SLC44A5: variants seen among roughly 807,000 people sequenced by gnomAD.
SLC44A5 encodes the protein solute carrier family 44 member 5.
SLC44A5 carries 57 observed loss-of-function variants against 101.8 expected under a neutral mutation model. The ratio of observed to expected loss-of-function variants is 0.56; its 90% CI spans 0.45 to 0.70. The LOEUF (loss-of-function observed/expected upper bound fraction) is 0.70, where lower values mean the gene tolerates loss of function less well. SLC44A5 is among the 30% of genes least tolerant of loss of function. The pLI, the probability that SLC44A5 is intolerant of heterozygous loss-of-function variation, is 0.00. For missense variants in SLC44A5, 737 were observed against 853.1 expected (o/e 0.86, Z 1.70); for synonymous variants, 281 against 290.9 (o/e 0.97, Z 0.35).
chr1:75,500,017 G>A (rs1179190459), intron 2 of SLC44A5, among the ~76,000 whole-genome samples: 1 of 152,146 alleles, frequency 6.6e-6, no homozygotes, highest in Non-Finnish European at 1.5e-5. Flanking sequence ...ACGTGATGTT[G>A]AAAGCCACCT....
intron 2 of SLC44A5, among the ~76,000 whole-genome samples, chr1:75,416,003 A>C (rs541624083): frequency 6.6e-6 from 1 of 152,322 alleles, no homozygotes; most frequent in Admixed American, 6.5e-5. Flanking sequence ...ATGCAATAGA[A>C]AAGAACATTC....
At chr1:75,251,345 A>G in intron 6 of SLC44A5, 51 bp from the exon 7 acceptor site, 1 of 1,443,864 alleles carries the variant, frequency 6.9e-7, no homozygotes, top group Non-Finnish European at 9.7e-7. Context: ...AATGTTCCAT[A>G]TCATTTCAGA....
intron 2 of SLC44A5, among the ~76,000 whole-genome samples, chr1:75,402,164 C>G (rs1662523489): frequency 6.6e-6 from 1 of 152,148 alleles, no homozygotes. Context: ...GATTTGAAAA[C>G]TCATAGCCTG....
At chr1:75,664,095 T>A in the SLC44A5 span, among the ~76,000 whole-genome samples, 4 of 145,806 alleles carry the variant, frequency 2.7e-5, no homozygotes, top group Admixed American at 2.8e-4. Context: ...AAGATTTTGA[T>A]AAAATCCAAC....
At chr1:75,276,444 T>G (rs1651925027) in intron 5 of SLC44A5, among the ~76,000 whole-genome samples, 1 of 152,180 alleles carries the variant, frequency 6.6e-6, no homozygotes, top group African/African-American at 2.4e-5. Flanking sequence ...CTAAAATGCC[T>G]TATTCTTTTT....
chr1:75,489,179 T>C (rs1042862497), intron 2 of SLC44A5, among the ~76,000 whole-genome samples: 1 of 152,114 alleles, frequency 6.6e-6, no homozygotes, highest in Non-Finnish European at 1.5e-5. Flanking sequence ...AAAATAAAAG[T>C]ACCCTTTCCT....
intron 2 of SLC44A5, among the ~76,000 whole-genome samples, chr1:75,403,726 C>A (rs1481382467): frequency 6.6e-6 from 1 of 152,090 alleles, no homozygotes; most frequent in Non-Finnish European, 1.5e-5. Context: ...ATACATAAAT[C>A]CACAAAGATG....
At chr1:75,584,712 C>T (rs1161069122) in intron 1 of SLC44A5, among the ~76,000 whole-genome samples, 4 of 152,076 alleles carry the variant, frequency 2.6e-5, no homozygotes, top group South Asian at 2.1e-4. Context: ...CCAGTTCAAG[C>T]GATTCTCATG....
intron 5 of SLC44A5, among the ~76,000 whole-genome samples, chr1:75,296,455 G>A (rs1464629601): frequency 6.6e-6 from 1 of 150,744 alleles, no homozygotes. Context: ...TACCTCATCA[G>A]GCTCTGGCTT....
chr1:75,367,019 T>A (rs1170356509), intron 3 of SLC44A5, among the ~76,000 whole-genome samples: 1 of 152,222 alleles, frequency 6.6e-6, no homozygotes, highest in Non-Finnish European at 1.5e-5. Flanking sequence ...TCAGATAATT[T>A]GTAGATCATC....
intron 2 of SLC44A5, among the ~76,000 whole-genome samples, chr1:75,441,491 C>T (rs1203726164): frequency 6.9e-6 from 1 of 144,386 alleles, no homozygotes; most frequent in Non-Finnish European, 1.5e-5. Context: ...TAAAAAAAGT[C>T]AAGGAAAAAA....
upstream of SLC44A5, among the ~76,000 whole-genome samples, chr1:75,615,057 G>C (rs1255343873): frequency 6.6e-6 from 1 of 152,074 alleles, no homozygotes; most frequent in Non-Finnish European, 1.5e-5. Flanking sequence ...CCCGGACCAC[G>C]CCGCAATGCC....
At chr1:75,579,407 C>T (rs779689214) in intron 1 of SLC44A5, among the ~76,000 whole-genome samples, 91 of 152,198 alleles carry the variant, frequency 6.0e-4, no homozygotes, top group Non-Finnish European at 1.1e-3. Context: ...CACACGACTG[C>T]ACTCCAACCT....
intron 1 of SLC44A5, among the ~76,000 whole-genome samples, chr1:75,569,266 G>T (rs1274977515): frequency 1.1e-4 from 15 of 137,950 alleles, no homozygotes; most frequent in African/African-American, 4.0e-4. Context: ...TTTGAGACAG[G>T]GTCTCTGTTT....
At chr1:75,645,333 G>A in the SLC44A5 span, among the ~76,000 whole-genome samples, 3 of 152,180 alleles carry the variant, frequency 2.0e-5, no homozygotes, top group South Asian at 2.1e-4. Context: ...CTGGTGTAAG[G>A]TGGTATCTCA....
chr1:75,342,979 AT>A (rs1183729687), intron 3 of SLC44A5, among the ~76,000 whole-genome samples: 5 of 152,060 alleles, frequency 3.3e-5, no homozygotes, highest in Middle Eastern at 6.8e-3. Context: ...TGTCATGCAA[AT>A]TTTTTATATC....
chr1:75,433,806 C>T (rs902069884), intron 2 of SLC44A5, among the ~76,000 whole-genome samples: 3 of 152,040 alleles, frequency 2.0e-5, no homozygotes, highest in African/African-American at 4.8e-5. Context: ...CATTTATAAA[C>T]GAAAGAGGTT....
intron 6 of SLC44A5, among the ~76,000 whole-genome samples, chr1:75,266,318 T>TAC (rs61250669): frequency 0.074 from 10,861 of 146,818 alleles, 449 homozygotes; most frequent in Middle Eastern, 0.14. Context: ...GGCATAGAAA[T>TAC]ACACACACAC....
intron 1 of SLC44A5, among the ~76,000 whole-genome samples, chr1:75,569,943 A>C (rs1025683942): frequency 6.6e-6 from 1 of 152,226 alleles, no homozygotes; most frequent in African/African-American, 2.4e-5. Context: ...TAAAGGGCTC[A>C]CTATCAACAG....
Sources: gnomAD v4.1 joint callset for allele counts (sites outside exome capture counted in the v4.1 genomes callset) on GRCh38, gnomAD v4.1.1 for gene constraint, MANE v1.5 for transcripts, NCBI Gene and HGNC (gene_info 2026-07-23, HGNC 2026-07-21) for gene names.